DEPDC4: variants seen among roughly 807,000 people sequenced by gnomAD.
DEPDC4 encodes DEP domain-containing protein 4.
A neutral mutation model predicts 52.0 loss-of-function variants in DEPDC4; 52 were observed. That is an observed-to-expected ratio of 1.00 (90% CI 0.80 to 1.26). The LOEUF is 1.26. Ranked by LOEUF, DEPDC4 falls within the 50% of genes most tolerant of loss-of-function variation. The pLI is 0.00. For synonymous variants in DEPDC4, 201 were observed against 196.8 expected, an observed-to-expected ratio of 1.02 and a Z score of -0.18; for missense variants, 530 against 546.9, an observed-to-expected ratio of 0.97 and a Z score of 0.31.
the DEPDC4 span, among the ~76,000 whole-genome samples, chr12:100,276,573 A>G: frequency 2.4e-3 from 361 of 152,246 alleles, 1 homozygote; most frequent in African/African-American, 8.0e-3. Flanking sequence ...CCTGGGCTCA[A>G]GTGATCCTCC....
chr12:100,248,493 C>A (rs574671545), intron 8 of DEPDC4, among the ~76,000 whole-genome samples: 106 of 152,200 alleles, frequency 7.0e-4, no homozygotes, highest in African/African-American at 2.4e-3. Context: ...CAACTGGGGG[C>A]CAGGCTACTC....
upstream of DEPDC4, chr12:100,267,316 G>A (rs1051000290): frequency 3.9e-5 from 18 of 464,292 alleles, no homozygotes; most frequent in South Asian, 5.7e-4. Context: ...CACGAAGGCA[G>A]AGCAGGAACA....
the DEPDC4 span, among the ~76,000 whole-genome samples, chr12:100,272,664 C>T: frequency 1.3e-5 from 2 of 152,134 alleles, no homozygotes; most frequent in African/African-American, 2.4e-5. Flanking sequence ...TTCTATATGT[C>T]GTTGGTAAAT....
Position 100,244,617 on chromosome 12 carries a change from C to T in DEPDC4, c.1454-2048G>A, listed in dbSNP as rs78852808. The stretch of plus-strand genomic sequence containing the variant: ...TGCTGAATAATTTTTTATATTTTGC[C>T]TGGCTAGTTTTTTATTTCTATTTTT... On this transcript the variant is annotated intron_variant, in intron 8 of 9. Transcript: ENST00000550587. 9.5e-3 allele frequency among the ~76,000 whole-genome samples: 1,437 copies of T among 151,624 alleles called. 28 individuals carry two copies. Among genetic ancestry groups the T allele is most frequent in the African/African-American group, 0.032 (1,341 of 41,338 alleles).
intron 3 of DEPDC4, among the ~76,000 whole-genome samples, chr12:100,256,595 C>T (rs1566320738): frequency 6.6e-6 from 1 of 151,290 alleles, no homozygotes; most frequent in East Asian, 1.9e-4. Context: ...TTTATAGCAA[C>T]ATAGATAATT....
chr12:100,258,799 G>A (rs540082730), intron 3 of DEPDC4, among the ~76,000 whole-genome samples: 4 of 152,126 alleles, frequency 2.6e-5, no homozygotes, highest in South Asian at 2.1e-4. Context: ...GGCCAGGCGC[G>A]GTGGTTCACG....
At chr12:100,271,281 A>AAGAG (rs1555315695), upstream of DEPDC4, among the ~76,000 whole-genome samples, 13 of 128,946 alleles carry the variant, frequency 1.0e-4, no homozygotes, top group African/African-American at 3.3e-4. Flanking sequence ...AAAAAAAAAA[A>AAGAG]AGAGAGAGAG....
In DEPDC4 at chr12:100,253,244, C is replaced by T. The variant is rs117222575; in HGVS notation, c.1105+245G>A. ...TATCATGTTTCTTAGAATGTCCCTG[C>T]GATGTCCCTGTGATGTACTGCCTTA... is the stretch of plus-strand genomic sequence containing the variant. On this transcript the variant is annotated intron_variant, in intron 5 of 9. Coordinates refer to ENST00000550587, the MANE Select transcript of DEPDC4 (RefSeq NM_001364818.2). Among the ~76,000 whole-genome samples the T allele has an allele frequency of 7.2e-5, 11 of 152,208 alleles. No individual in the cohort carries two copies. The East Asian group carries it at 1.4e-3, about 19-fold the overall frequency.
Position 100,240,834 on chromosome 12 carries a change from C to T in DEPDC4, c.*1058G>A, listed in dbSNP as rs534335259. On this transcript the variant is annotated 3_prime_UTR_variant, in exon 10 of 10. Coordinates refer to ENST00000550587, the MANE Select transcript of DEPDC4 (RefSeq NM_001364818.2). ...TTGGGAGGCTAAGGTGGGCAGATCA[C>T]CTGAGGTCAGGAGTTCAAGACTAGC... Among the ~76,000 whole-genome samples, 1 of 152,308 alleles carries T rather than the reference C, an allele frequency of 6.6e-6. No homozygotes were observed. The highest frequency in any genetic ancestry group is 2.4e-5 in the African/African-American group (1 of 41,560).
At chr12:100,250,786 A>G (rs543519007) in intron 7 of DEPDC4, among the ~76,000 whole-genome samples, 1 of 152,220 alleles carries the variant, frequency 6.6e-6, no homozygotes, top group East Asian at 1.9e-4. Context: ...GAAAAACTAC[A>G]TATGAGAATT....
In DEPDC4 at chr12:100,262,353, ATTCT is replaced by A. The variant is rs1259991385; in HGVS notation, c.607_610del (p.Arg203LeufsTer8). On this transcript the variant is annotated frameshift_variant, in exon 3 of 10. Transcript: ENST00000550587. LOFTEE classifies it high-confidence loss of function. Reference sequence around the variant, plus strand: ...ATTTATTGTATGAATAAGTTCCTCAATTCTTTCCTCACCAATCTCCTGTGCTAGA... The same window carrying A: ...ATTTATTGTATGAATAAGTTCCTCAATTCCTCACCAATCTCCTGTGCTAGA... 2.4e-5 allele frequency: 38 copies of A among 1,613,448 alleles called. No homozygotes were observed. The highest frequency in any genetic ancestry group is 3.2e-5 in the Non-Finnish European group (38 of 1,179,830).
In DEPDC4 at chr12:100,241,547, A is replaced by T; in HGVS notation, c.*345T>A. On this transcript the variant is annotated 3_prime_UTR_variant, in exon 10 of 10. Coordinates refer to ENST00000550587, the MANE Select transcript of DEPDC4 (RefSeq NM_001364818.2). ...ACCCCTGTCTCTACAAAATAAAAAT[A>T]AAAAATAAAACACTTAAAATCCTTT... 3.1e-6 allele frequency: 2 copies of T among 649,454 alleles called. No individual in the cohort carries two copies. The highest frequency in any genetic ancestry group is 4.1e-6 in the Non-Finnish European group (2 of 491,576). The allele number at this position is 649,454 out of a possible 1,614,324, so 40.2% of individuals were successfully genotyped here. A position where few individuals can be genotyped will look rare whatever the true frequency, so the allele number is the denominator to read the frequency against.
At position 100,255,897 on chromosome 12, in the gene DEPDC4, A is replaced by C. The variant is rs770852138; in HGVS notation, c.878+152T>G. 3.7e-5 allele frequency: 21 copies of C among 560,460 alleles called. No individual in the cohort carries two copies. The South Asian group carries it at 5.7e-4, about 15-fold the overall frequency. The allele number at this position is 560,460 out of a possible 1,614,324, so 34.7% of individuals were successfully genotyped here. ...CTTATAGGTCATGACCAATGGCTTT[A>C]TTAGATCAAATGAGGATTCATAATG... On this transcript the variant is annotated intron_variant, in intron 4 of 9. Transcript: ENST00000550587.
At chr12:100,244,170 G>GT (rs1205320037) in intron 8 of DEPDC4, among the ~76,000 whole-genome samples, 2 of 125,122 alleles carry the variant, frequency 1.6e-5, no homozygotes, top group Non-Finnish European at 3.3e-5. Flanking sequence ...TTATTTTATG[G>GT]TTTTTTGGTT....
chr12:100,243,146 T>A (rs1292452184), intron 8 of DEPDC4, among the ~76,000 whole-genome samples: 1 of 152,174 alleles, frequency 6.6e-6, no homozygotes, highest in African/African-American at 2.4e-5. Flanking sequence ...AAAAGTTATG[T>A]GAATGTGGTC....
the DEPDC4 span, among the ~76,000 whole-genome samples, chr12:100,273,401 T>A: frequency 6.6e-6 from 1 of 152,132 alleles, no homozygotes; most frequent in Non-Finnish European, 1.5e-5. Flanking sequence ...TGTAGGCTAG[T>A]GCTGTGGTGG....
At chr12:100,238,175 G>T, downstream of DEPDC4, 1 of 489,930 alleles carries the variant, frequency 2.0e-6, no homozygotes, top group Non-Finnish European at 2.6e-6. Flanking sequence ...TCATATAATT[G>T]GGTTGCTTTT....
In DEPDC4 at chr12:100,253,585, G is replaced by GT. The variant is rs1261971903; in HGVS notation, c.1008dup (p.Leu337ThrfsTer3). ...TAGTATTTTGCTATGACATCAAAGA[G>GT]TATCTTCTTCTGACTGTTCAATCTT... On this transcript the variant is annotated frameshift_variant, in exon 5 of 10. Transcript: ENST00000550587. LOFTEE classifies it high-confidence loss of function. 7.8e-7 allele frequency: 1 copy of GT among 1,288,898 alleles called. No homozygotes were observed. 79.8% of individuals were successfully genotyped at this position (1,288,898 alleles called of 1,614,324 possible). A position where few individuals can be genotyped will look rare whatever the true frequency, so the allele number is the denominator to read the frequency against.
chr12:100,231,958 GA>G (rs2096135409), intron 9 of DEPDC4, among the ~76,000 whole-genome samples: 1 of 151,538 alleles, frequency 6.6e-6, no homozygotes, highest in African/African-American at 2.4e-5. Flanking sequence ...AAAAAAAAAA[GA>G]ATTATTAGGA....
Sources: gnomAD v4.1 joint callset for allele counts (sites outside exome capture counted in the v4.1 genomes callset) on GRCh38, gnomAD v4.1.1 for gene constraint, MANE v1.5 for transcripts, NCBI Gene and HGNC (gene_info 2026-07-23, HGNC 2026-07-21) for gene names.